SORBS2: variants seen among roughly 807,000 people sequenced by gnomAD.
SORBS2 encodes the protein sorbin and SH3 domain-containing protein 2.
A neutral mutation model predicts 97.7 loss-of-function variants in SORBS2; 46 were observed. That is an observed-to-expected ratio of 0.47 (90% CI 0.37 to 0.60). SORBS2 has a LOEUF of 0.60. Ranked by LOEUF, SORBS2 falls within the 20% of genes least tolerant of loss-of-function variation. The pLI, the probability that SORBS2 is intolerant of heterozygous loss-of-function variation, is 0.00. For missense variants in SORBS2, 1,316 were observed against 1,282.3 expected (o/e 1.03, Z -0.40); for synonymous variants, 476 against 473.4 (o/e 1.01, Z -0.07).
chr4:185,644,167 G>A (rs2097172956), intron 4 of SORBS2, among the ~76,000 whole-genome samples: 1 of 152,122 alleles, frequency 6.6e-6, no homozygotes, highest in Non-Finnish European at 1.5e-5. Context: ...TTGTTTAGGA[G>A]GGTTAACATT....
intron 1 of SORBS2, among the ~76,000 whole-genome samples, chr4:185,903,364 C>T (rs1370250334): frequency 1.3e-5 from 2 of 152,126 alleles, no homozygotes; most frequent in Admixed American, 1.3e-4. Context: ...GTAGGAGGTT[C>T]TATTATTACC....
At chr4:185,754,225 A>G (rs1291214463) in intron 2 of SORBS2, among the ~76,000 whole-genome samples, 2 of 152,180 alleles carry the variant, frequency 1.3e-5, no homozygotes, top group Non-Finnish European at 2.9e-5. Flanking sequence ...CATGTTCTCA[A>G]GTATAAGTGG....
At chr4:185,885,031 C>T (rs2099238688) in intron 1 of SORBS2, among the ~76,000 whole-genome samples, 1 of 152,040 alleles carries the variant, frequency 6.6e-6, no homozygotes, top group Non-Finnish European at 1.5e-5. Flanking sequence ...CTGGACTTAT[C>T]TTGAGAAGGA....
chr4:185,696,189 A>C, intron 2 of SORBS2, among the ~76,000 whole-genome samples: 1 of 152,248 alleles, frequency 6.6e-6, no homozygotes, highest in Admixed American at 6.5e-5. Context: ...AGTTTTAATT[A>C]GACCAAATGT....
At chr4:185,760,712 A>T (rs1205505470) in intron 2 of SORBS2, among the ~76,000 whole-genome samples, 1 of 152,248 alleles carries the variant, frequency 6.6e-6, no homozygotes, top group Non-Finnish European at 1.5e-5. Context: ...GCCTTTCACA[A>T]ATACGAGTTC....
intron 12 of SORBS2, among the ~76,000 whole-genome samples, chr4:185,609,757 G>C: frequency 6.6e-6 from 1 of 152,222 alleles, no homozygotes; most frequent in East Asian, 1.9e-4. Context: ...AATTATTAAT[G>C]AGTTCTCTGT....
chr4:185,617,790 A>G (rs1230600210), intron 9 of SORBS2, among the ~76,000 whole-genome samples: 1 of 152,202 alleles, frequency 6.6e-6, no homozygotes, highest in Non-Finnish European at 1.5e-5. Flanking sequence ...CAAAAGACCA[A>G]AGGAGAAAAC....
chr4:185,711,131 A>G (rs2098416849), intron 2 of SORBS2, among the ~76,000 whole-genome samples: 1 of 105,386 alleles, frequency 9.5e-6, no homozygotes, highest in Admixed American at 1.0e-4. Flanking sequence ...CATCACACTC[A>G]GCAAATCTTT....
At chr4:185,757,178 C>T (rs1349146370) in intron 2 of SORBS2, 1 of 362,970 alleles carries the variant, frequency 2.8e-6, no homozygotes, top group Non-Finnish European at 5.2e-6. Flanking sequence ...CAAGTTTAGT[C>T]CACTTCTTTG....
At chr4:185,944,335 T>C (rs2099273516) in intron 1 of SORBS2, among the ~76,000 whole-genome samples, 1 of 152,226 alleles carries the variant, frequency 6.6e-6, no homozygotes, top group South Asian at 2.1e-4. Flanking sequence ...ACACTTTCAT[T>C]GACATCAATG....
intron 1 of SORBS2, among the ~76,000 whole-genome samples, chr4:185,889,969 C>T (rs1337470822): frequency 6.6e-6 from 1 of 152,192 alleles, no homozygotes; most frequent in East Asian, 1.9e-4. Flanking sequence ...TCACTGCAAC[C>T]TCTGCCTCCC....
chr4:185,595,913 G>A lies in SORBS2; in HGVS notation c.2797-1978C>T, dbSNP rs190212616. Among the ~76,000 whole-genome samples the A allele has an allele frequency of 7.0e-4, 106 of 152,150 alleles. No homozygotes were observed. The Middle Eastern group carries it at 0.021, about 29-fold the overall frequency. Reference sequence around the variant, plus strand: ...ATGCATTAAAGCCATATGATTTTGAGAATGTACATGTTAGTCACTGAAAAA... The same window carrying A: ...ATGCATTAAAGCCATATGATTTTGAAAATGTACATGTTAGTCACTGAAAAA... On this transcript the variant is annotated intron_variant, in intron 12 of 14. Transcript: ENST00000418609.
intron 1 of SORBS2, among the ~76,000 whole-genome samples, chr4:185,830,405 T>C (rs2099204498): frequency 6.6e-6 from 1 of 152,218 alleles, no homozygotes. Context: ...CACCTAGCTC[T>C]TTGAATCACC....
chr4:185,892,960 G>A (rs2149807148), intron 1 of SORBS2, among the ~76,000 whole-genome samples: 1 of 152,222 alleles, frequency 6.6e-6, no homozygotes, highest in East Asian at 1.9e-4. Flanking sequence ...GAAACCTTGA[G>A]CAAGTGAACA....
chr4:185,911,402 T>A (rs2099254982), intron 1 of SORBS2, among the ~76,000 whole-genome samples: 1 of 152,054 alleles, frequency 6.6e-6, no homozygotes, highest in Non-Finnish European at 1.5e-5. Context: ...TAATTTTTTT[T>A]ATTTTTTGTA....
intron 1 of SORBS2, among the ~76,000 whole-genome samples, chr4:185,929,530 G>GT (rs367695815): frequency 0.045 from 6,125 of 135,064 alleles, 280 homozygotes; most frequent in African/African-American, 0.12. Flanking sequence ...TTTTTGTTGG[G>GT]TTTTTTTTTT....
At chr4:185,768,053 T>G (rs1584470796) in intron 2 of SORBS2, among the ~76,000 whole-genome samples, 1 of 152,284 alleles carries the variant, frequency 6.6e-6, no homozygotes, top group East Asian at 1.9e-4. Flanking sequence ...ACCACTGATT[T>G]TCTAGTACAA....
At position 185,684,951 on chromosome 4, in the gene SORBS2, A is replaced by G; in HGVS notation, c.-197-6129T>C. The G allele has an allele frequency of 1.2e-6, 1 of 848,644 alleles. No homozygotes were observed. Among genetic ancestry groups the G allele is most frequent in the Non-Finnish European group, 1.9e-6 (1 of 526,620 alleles). 52.6% of individuals were successfully genotyped at this position (848,644 alleles called of 1,614,324 possible). On this transcript the variant is annotated intron_variant, in intron 2 of 20. Transcript: ENST00000284776. This position sits in a 1 kb window ranked among gnomAD's most constrained non-coding sequence, Gnocchi z 4.2. ...TGCCAGACATCCATGAGAAAGATGAACAGTTAGAATTAGTAATCATGGAAT... is the reference window on the plus strand; with the variant it reads ...TGCCAGACATCCATGAGAAAGATGAGCAGTTAGAATTAGTAATCATGGAAT...
chr4:185,861,687 C>T (rs2099223875), intron 1 of SORBS2, among the ~76,000 whole-genome samples: 1 of 151,548 alleles, frequency 6.6e-6, no homozygotes, highest in African/African-American at 2.4e-5. Context: ...CTTACTGCAA[C>T]CTCTGCCACC....
Sources: allele counts gnomAD v4.1 joint callset (sites outside exome capture counted in the v4.1 genomes callset), GRCh38; gene constraint gnomAD v4.1.1; non-coding constraint Gnocchi (gnomAD v3.1); transcripts MANE v1.5; gene names NCBI Gene and HGNC (gene_info 2026-07-23, HGNC 2026-07-21).